WNT7A: variants seen among roughly 807,000 people sequenced by gnomAD.
WNT7A encodes Wnt family member 7A.
In WNT7A, 16 loss-of-function variants were observed where a neutral mutation model predicts 28.2. The ratio of observed to expected loss-of-function variants is 0.57; its 90% CI spans 0.38 to 0.86. The LOEUF (loss-of-function observed/expected upper bound fraction) is 0.86, where lower values mean the gene tolerates loss of function less well. Ranked by LOEUF, WNT7A falls within the 40% of genes least tolerant of loss-of-function variation. The pLI is 0.00. For missense variants in WNT7A, 411 were observed against 489.7 expected, an observed-to-expected ratio of 0.84 and a Z score of 1.52; for synonymous variants, 190 against 195.9, an observed-to-expected ratio of 0.97 and a Z score of 0.25.
chr3:13,868,596 A>G lies in WNT7A; in HGVS notation c.298+6351T>C, dbSNP rs1262773449. Among the ~76,000 whole-genome samples the G allele has an allele frequency of 2.6e-3, 29 of 11,122 alleles. 4 individuals are homozygous for G. Among genetic ancestry groups the G allele is most frequent in the Non-Finnish European group, 3.9e-3 (22 of 5,576 alleles). 7.3% of individuals were successfully genotyped at this position (11,122 alleles called of 152,430 possible). A position where few individuals can be genotyped will look rare whatever the true frequency, so the allele number is the denominator to read the frequency against. On this transcript the variant is annotated intron_variant, in intron 2 of 3. Coordinates refer to ENST00000285018, the MANE Select transcript of WNT7A (RefSeq NM_004625.4). ...AGAGAGAGAGAGAGAGAGAGGGAGA[A>G]AGAAAGAAAGAAAGAGAGAGAGAGA...
intron 3 of WNT7A, among the ~76,000 whole-genome samples, chr3:13,835,658 G>A (rs1417662327): frequency 6.6e-6 from 1 of 152,214 alleles, no homozygotes; most frequent in Non-Finnish European, 1.5e-5. Context: ...AAGAGGGATG[G>A]GACCTCCCCA....
At chr3:13,873,047 A>C (rs1695049389) in intron 2 of WNT7A, among the ~76,000 whole-genome samples, 1 of 152,162 alleles carries the variant, frequency 6.6e-6, no homozygotes, top group African/African-American at 2.4e-5. Flanking sequence ...TCTGAGTAGA[A>C]GAAAGCACAA....
chr3:13,871,624 G>A (rs1168934599), intron 2 of WNT7A, among the ~76,000 whole-genome samples: 1 of 151,734 alleles, frequency 6.6e-6, no homozygotes, highest in African/African-American at 2.4e-5. Context: ...TTCCTAGCTG[G>A]CCCTTAGTTT....
chr3:13,820,476 G>A (rs1694089971), intron 3 of WNT7A, among the ~76,000 whole-genome samples: 2 of 151,850 alleles, frequency 1.3e-5, no homozygotes, highest in Admixed American at 6.6e-5. Context: ...GAGGCAAGGG[G>A]CTTGGAGCTG....
chr3:13,841,461 G>C (rs1020510934), intron 3 of WNT7A, among the ~76,000 whole-genome samples: 1 of 152,198 alleles, frequency 6.6e-6, no homozygotes, highest in Non-Finnish European at 1.5e-5. Context: ...GACTTTGGGC[G>C]AGTCGCTGAA....
At chr3:13,823,093 C>A (rs1204513207) in intron 3 of WNT7A, among the ~76,000 whole-genome samples, 1 of 152,212 alleles carries the variant, frequency 6.6e-6, no homozygotes, top group Admixed American at 6.5e-5. Context: ...GGCATAATCA[C>A]AGCTGCCTGG....
At position 13,819,256 on chromosome 3, in the gene WNT7A, G is replaced by C. The variant is rs762665204; in HGVS notation, c.738C>G (p.Asn246Lys). Residue 246 changes from asparagine to lysine, a missense_variant, in exon 4 of 4, where the codon AAC (asparagine) becomes AAG (lysine). Physicochemically the swap from Asn to Lys is moderately conservative, Grantham distance 94. Transcript: ENST00000285018. ...TGATCTTCAGGAAGGTGGGCCGCTT[G>C]TTGCGGCTGGCACGCACAGGCTCCA... ...VHVEPVRASR[N>K]KRPTFLKIKK... 3 of 1,614,236 alleles carry C rather than the reference G, an allele frequency of 1.9e-6. No homozygotes were observed. In the Admixed American group the frequency reaches 5.0e-5, roughly 27 times the overall value.
chr3:13,876,547 C>T (rs774967515), intron 1 of WNT7A, among the ~76,000 whole-genome samples: 8 of 152,156 alleles, frequency 5.3e-5, no homozygotes, highest in Admixed American at 2.6e-4. Context: ...ACAAGTGCCT[C>T]GTCCTGGGGC....
chr3:13,865,323 C>A (rs1694894738), intron 2 of WNT7A, among the ~76,000 whole-genome samples: 1 of 152,196 alleles, frequency 6.6e-6, no homozygotes, highest in Admixed American at 6.5e-5. Context: ...CTCCCCGGGG[C>A]AGCTGGCAGT....
intron 2 of WNT7A, among the ~76,000 whole-genome samples, chr3:13,872,604 G>GC (rs779431432): frequency 2.4e-4 from 37 of 152,110 alleles, no homozygotes; most frequent in Non-Finnish European, 4.7e-4. Context: ...AATTCCCCCA[G>GC]CCACCTCTGC....
intron 3 of WNT7A, among the ~76,000 whole-genome samples, chr3:13,820,461 A>C (rs1052265146): frequency 6.6e-6 from 1 of 151,282 alleles, no homozygotes; most frequent in African/African-American, 2.4e-5. Flanking sequence ...TCTGTGAGAC[A>C]TTCTGAGGCA....
intron 3 of WNT7A, among the ~76,000 whole-genome samples, chr3:13,835,286 A>G (rs1694348618): frequency 6.6e-6 from 1 of 152,184 alleles, no homozygotes; most frequent in Non-Finnish European, 1.5e-5. Flanking sequence ...TAGAGACCTG[A>G]GCAGAAAGGT....
chr3:13,843,364 GAC>G (rs1308020090), intron 3 of WNT7A, among the ~76,000 whole-genome samples: 1 of 152,190 alleles, frequency 6.6e-6, no homozygotes, highest in Non-Finnish European at 1.5e-5. Flanking sequence ...CAACAGCTCT[GAC>G]AAGTACAAAT....
At chr3:13,846,008 C>A (rs934088307) in intron 3 of WNT7A, among the ~76,000 whole-genome samples, 30 of 152,214 alleles carry the variant, frequency 2.0e-4, no homozygotes, top group African/African-American at 7.0e-4. Flanking sequence ...TCCTGAACCC[C>A]CATGACAGCC....
chr3:13,855,405 T>G (rs1266037859), intron 2 of WNT7A, among the ~76,000 whole-genome samples: 1 of 152,182 alleles, frequency 6.6e-6, no homozygotes, highest in Non-Finnish European at 1.5e-5. Context: ...CTTGGCCCCA[T>G]GTTTCATTCA....
At chr3:13,858,559 G>A (rs896012099) in intron 2 of WNT7A, among the ~76,000 whole-genome samples, 5 of 152,122 alleles carry the variant, frequency 3.3e-5, no homozygotes, top group Admixed American at 2.0e-4. Flanking sequence ...TGCACCTTGG[G>A]GCACATTTCA....
In WNT7A at chr3:13,854,384, G is replaced by A. The variant is rs183392710; in HGVS notation, c.570+148C>T. 5.6e-4 allele frequency: 749 copies of A among 1,335,422 alleles called. 4 individuals are homozygous for A. In the African/African-American group the frequency reaches 9.1e-3, roughly 16 times the overall value. 82.7% of individuals were successfully genotyped at this position (1,335,422 alleles called of 1,614,324 possible). ...TCGTGCCATACACAAATCCTGACCA[G>A]CTACAAGCTGATGCCAGCACCAAGC... On this transcript the variant is annotated intron_variant, in intron 3 of 3. Coordinates refer to ENST00000285018, the MANE Select transcript of WNT7A (RefSeq NM_004625.4).
chr3:13,827,695 C>T (rs969801695), intron 3 of WNT7A, among the ~76,000 whole-genome samples: 2 of 152,102 alleles, frequency 1.3e-5, no homozygotes, highest in African/African-American at 2.4e-5. Context: ...CCCACAGGGT[C>T]CATGCCACAT....
intron 3 of WNT7A, among the ~76,000 whole-genome samples, chr3:13,822,325 C>T (rs896545036): frequency 6.6e-6 from 1 of 152,224 alleles, no homozygotes; most frequent in African/African-American, 2.4e-5. Context: ...AGCGGAATAA[C>T]TCCCTCAACT....
Sources: gnomAD v4.1 joint callset for allele counts (sites outside exome capture counted in the v4.1 genomes callset) on GRCh38, gnomAD v4.1.1 for gene constraint, MANE v1.5 for transcripts, NCBI Gene and HGNC (gene_info 2026-07-23, HGNC 2026-07-21) for gene names.